Variants in ATAD3B observed in about 807,000 individuals in gnomAD.
ATAD3B encodes ATPase family AAA domain containing 3B.
Under a neutral mutation model 70.2 loss-of-function variants are expected in ATAD3B, and 59 were observed. The observed-to-expected ratio is 0.84, with a 90% CI of 0.68 to 1.04. The LOEUF is 1.04. Ranked by LOEUF, ATAD3B falls within the 50% of genes least tolerant of loss-of-function variation. ATAD3B has a pLI of 0.00. For synonymous variants in ATAD3B, 423 were observed against 388.6 expected (o/e 1.09, Z -1.04); for missense variants, 961 against 913.4 (o/e 1.05, Z -0.67).
chr1:1,489,535 T>C (rs1194190448), intron 13 of ATAD3B: 11 of 986,628 alleles, frequency 1.1e-5, no homozygotes, highest in Non-Finnish European at 1.6e-5. Context: ...CAGGTCCCTC[T>C]GCCCCTAGAT....
intron 12 of ATAD3B, 98 bp from the exon 13 acceptor site, chr1:1,489,106 C>A (rs568294308): frequency 2.5e-6 from 4 of 1,590,642 alleles, no homozygotes; most frequent in East Asian, 4.5e-5. Context: ...GTCGCCACGT[C>A]CCTGCTCCCT....
Position 1,495,457 on chromosome 1 carries a change from C to A in ATAD3B, c.1615-28C>A, listed in dbSNP as rs749692825. The A allele has an allele frequency of 1.3e-5, 21 of 1,570,434 alleles. 3 individuals carry two copies. The South Asian group carries it at 2.3e-4, about 17-fold the overall frequency. On this transcript the variant is annotated intron_variant, in intron 15 of 15. Coordinates refer to ENST00000673477, the MANE Select transcript of ATAD3B (RefSeq NM_031921.6). Reference sequence around the variant, plus strand: ...AAGGGTGGCGGGTTCCCATAGCGGCCTCCCTCAGCTCCCTCTCTCTTCACT... The same window carrying A: ...AAGGGTGGCGGGTTCCCATAGCGGCATCCCTCAGCTCCCTCTCTCTTCACT...
rs1158121399 is a variant in ATAD3B at position 1,485,857 on chromosome 1, G to A, written c.963+19G>A. 1.9e-6 allele frequency: 3 copies of A among 1,612,762 alleles called. No individual in the cohort carries two copies. Among genetic ancestry groups the A allele is most frequent in the Middle Eastern group, 1.7e-4 (1 of 5,726 alleles). On this transcript the variant is annotated intron_variant, in intron 9 of 15. Transcript: ENST00000673477. ...GCTTAGTGTAAGTCGGTGTGCCTGG[G>A]ACCGGGGAGGTGCAGGGAGGGGACC...
intron 12 of ATAD3B, 123 bp downstream of exon 12, chr1:1,488,037 C>A: frequency 7.3e-7 from 1 of 1,371,138 alleles, no homozygotes. Flanking sequence ...TCGCTGCAAC[C>A]TCTGCCTCCT....
At chr1:1,504,625 C>T in the ATAD3B span, among the ~76,000 whole-genome samples, 2 of 151,252 alleles carry the variant, frequency 1.3e-5, no homozygotes, top group Non-Finnish European at 2.9e-5. Flanking sequence ...ACTGAAGCCT[C>T]AGCAACAAGA....
At chr1:1,480,509 G>A (rs1215080570) in intron 4 of ATAD3B, among the ~76,000 whole-genome samples, 1 of 147,596 alleles carries the variant, frequency 6.8e-6, no homozygotes, top group Non-Finnish European at 1.5e-5. Context: ...TTCACATGTT[G>A]CCTGTTGTGG....
rs1640134930 is a variant in ATAD3B, at chr1:1,485,131, C to T, written c.866C>T (p.Ser289Phe). Residue 289 changes from serine (S) to phenylalanine (F), a missense_variant, in exon 8 of 16, where the codon TCC becomes TTC. Around this residue, in one of 4 missense-constraint regions of ATAD3B, gnomAD observed 349 missense variants for 307.5 expected, o/e 1.14. Transcript: ENST00000673477. Reference sequence around the variant, plus strand: ...AAGCCGTCCCTAGTGAGGGAGACGTCCCGCATCACGGTGCTGGAGGCGCTG... The same window carrying T: ...AAGCCGTCCCTAGTGAGGGAGACGTTCCGCATCACGGTGCTGGAGGCGCTG... ...LGKPSLVRET[S>F]RITVLEALRH... is the part of the protein sequence containing the mutation. 6.2e-7 allele frequency: 1 copy of T among 1,610,572 alleles called. No individual in the cohort carries two copies. The highest frequency in any genetic ancestry group is 8.5e-7 in the Non-Finnish European group (1 of 1,179,404).
intron 12 of ATAD3B, among the ~76,000 whole-genome samples, chr1:1,488,616 G>C (rs753801579): frequency 6.6e-6 from 1 of 151,968 alleles, no homozygotes; most frequent in Admixed American, 6.6e-5. Flanking sequence ...AAAATTAGCC[G>C]GGCGTCGTGG....
intron 4 of ATAD3B, among the ~76,000 whole-genome samples, chr1:1,480,223 C>A (rs1639838145): frequency 8.8e-6 from 1 of 113,856 alleles, no homozygotes; most frequent in Non-Finnish European, 1.7e-5. Context: ...CACCCATGGG[C>A]ACACACACAT....
At chr1:1,500,919 T>C (rs1351623619), downstream of ATAD3B, among the ~76,000 whole-genome samples, 1 of 152,026 alleles carries the variant, frequency 6.6e-6, no homozygotes, top group Non-Finnish European at 1.5e-5. Context: ...ATTGCGGCAC[T>C]GCACTGCAGC....
chr1:1,485,593 G>C lies in ATAD3B; in HGVS notation c.907-189G>C, dbSNP rs376668530. On this transcript the variant is annotated intron_variant, in intron 8 of 15. Transcript: ENST00000673477. ...AGAAAATAAAAGCCAATAAGGAACC[G>C]GAAAATGCCCCTAATCCCAGCAATA... is the stretch of plus-strand genomic sequence containing the variant. Among the ~76,000 whole-genome samples, 45 of 152,186 alleles carry C rather than the reference G, an allele frequency of 3.0e-4. 1 individual carries two copies. Among genetic ancestry groups the C allele is most frequent in the African/African-American group, 1.1e-3 (45 of 41,520 alleles).
intron 14 of ATAD3B, 35 bp from the exon 15 acceptor site, chr1:1,490,528 G>A (rs762735988): frequency 2.5e-6 from 4 of 1,610,862 alleles, no homozygotes; most frequent in Admixed American, 3.4e-5. Context: ...GGGGTCCGCG[G>A]CCTTGGCTGC....
rs1640475931 is a variant in ATAD3B, at chr1:1,490,417, G to A, written c.1498G>A (p.Gly500Arg). Reference protein sequence around the residue: ...DNCVLKPATEGKRRLKLAQFD... With the variant: ...DNCVLKPATERKRRLKLAQFD... ...CTGTGTTCTTAAGCCGGCCACAGAAGGAAAACGGTGAGTGTCCCGCCTCAC... is the reference window on the plus strand; with the variant it reads ...CTGTGTTCTTAAGCCGGCCACAGAAAGAAAACGGTGAGTGTCCCGCCTCAC... Residue 500 changes from glycine (G) to arginine (R), a missense_variant, in exon 14 of 16, where the codon GGA becomes AGA. Physicochemically the swap from Gly to Arg is moderately radical, Grantham distance 125 (BLOSUM62 -2). Around this residue, in one of 4 missense-constraint regions of ATAD3B, gnomAD observed 417 missense variants for 335.0 expected, o/e 1.24. Coordinates refer to ENST00000673477, the MANE Select transcript of ATAD3B (RefSeq NM_031921.6). 1.2e-6 allele frequency: 2 copies of A among 1,613,362 alleles called. No individual in the cohort carries two copies. The highest frequency in any genetic ancestry group is 1.7e-6 in the Non-Finnish European group (2 of 1,179,696).
Position 1,485,061 on chromosome 1 carries a change from A to G in ATAD3B, c.796A>G (p.Asn266Asp). 1 of 1,606,948 alleles carries G rather than the reference A, an allele frequency of 6.2e-7. No homozygotes were observed. The highest frequency in any genetic ancestry group is 8.5e-7 in the Non-Finnish European group (1 of 1,178,046). ...GGCTGTCGGGGTCTACTCAGCCAAG[A>G]ATGCGACAGCCGTCACTGGCCGCTT... is the stretch of plus-strand genomic sequence containing the variant. ...LLAVGVYSAK[N>D]ATAVTGRFIE... The change falls in exon 8 of 16, where the codon AAT (asparagine) becomes GAT (aspartate). Residue 266 changes from asparagine to aspartate, a missense_variant. Asn to Asp is a conservative substitution (Grantham distance 23). This residue lies in a region of ATAD3B where 349 missense variants were observed against 307.5 expected (regional missense o/e 1.14). Coordinates refer to ENST00000673477, the MANE Select transcript of ATAD3B (RefSeq NM_031921.6).
chr1:1,489,710 C>G, intron 13 of ATAD3B: 1 of 1,312,334 alleles, frequency 7.6e-7, no homozygotes, highest in Middle Eastern at 2.8e-4. Flanking sequence ...ACGTGTCACA[C>G]GGAGGATCAA....
rs565735998 is a variant in ATAD3B, at chr1:1,490,361, G to C, written c.1442G>C (p.Arg481Pro). ...TTCGACCTGCCGCAGCAGGAGGAGC[G>C]GGAGCGCCTGGTGAGACTGCATTTT... Reference protein sequence around the residue: ...VHFDLPQQEERERLVRLHFDN... With the variant: ...VHFDLPQQEEPERLVRLHFDN... The change falls in exon 14 of 16, where the codon CGG (arginine) becomes CCG (proline). Residue 481 changes from arginine (R) to proline (P), a missense_variant. This residue lies in a region of ATAD3B where 417 missense variants were observed against 335.0 expected (regional missense o/e 1.24). Transcript: ENST00000673477. 3 of 1,613,332 alleles carry C rather than the reference G, an allele frequency of 1.9e-6. No individual in the cohort carries two copies. The highest frequency in any genetic ancestry group is 2.5e-6 in the Non-Finnish European group (3 of 1,179,682).
rs747477622 is a variant in ATAD3B, at chr1:1,488,527, A to C, written c.1266+613A>C. Reference sequence around the variant, plus strand: ...TGTAATCCCAGCACTTTGGGAGGCCAAGGCAGGTGGATGACGAGGTCAGGA... The same window carrying C: ...TGTAATCCCAGCACTTTGGGAGGCCCAGGCAGGTGGATGACGAGGTCAGGA... On this transcript the variant is annotated intron_variant, in intron 12 of 15. Coordinates refer to ENST00000673477, the MANE Select transcript of ATAD3B (RefSeq NM_031921.6). Among the ~76,000 whole-genome samples the C allele has an allele frequency of 5.9e-5, 9 of 152,048 alleles. 1 individual carries two copies. The highest frequency in any genetic ancestry group is 1.2e-4 in the Non-Finnish European group (8 of 67,974).
chr1:1,489,730 G>A (rs1640427286), intron 13 of ATAD3B: 1 of 1,309,776 alleles, frequency 7.6e-7, no homozygotes, highest in African/African-American at 1.5e-5. Flanking sequence ...AGTCCTGCTG[G>A]TCGGCCGTGG....
At chr1:1,476,927 CT>C (rs771338896) in intron 1 of ATAD3B, among the ~76,000 whole-genome samples, 1 of 152,046 alleles carries the variant, frequency 6.6e-6, no homozygotes, top group East Asian at 1.9e-4. Flanking sequence ...CAGCCTTGGC[CT>C]CCCCAGTAGC....
Sources: gnomAD v4.1 joint callset for allele counts (sites outside exome capture counted in the v4.1 genomes callset) on GRCh38, gnomAD v4.1.1 for gene constraint, gnomAD v4.1.1 regional missense constraint, MANE v1.5 for transcripts, NCBI Gene and HGNC (gene_info 2026-07-23, HGNC 2026-07-21) for gene names.